The following ARID5B variants were observed in gnomAD, a reference collection of about 807,000 sequenced individuals.
ARID5B encodes the protein AT-rich interactive domain-containing protein 5B.
ARID5B carries 13 observed loss-of-function variants against 97.2 expected under a neutral mutation model. The ratio of observed to expected loss-of-function variants is 0.13; its 90% CI spans 0.09 to 0.21. The LOEUF is 0.21. ARID5B is among the 10% of genes least tolerant of loss of function. The pLI, the probability that ARID5B is intolerant of heterozygous loss-of-function variation, is 1.00. For synonymous variants in ARID5B, 556 were observed against 570.3 expected, an observed-to-expected ratio of 0.97 and a Z score of 0.36; for missense variants, 1,210 against 1,465.3, an observed-to-expected ratio of 0.83 and a Z score of 2.84.
intron 3 of ARID5B, among the ~76,000 whole-genome samples, chr10:61,957,331 C>T (rs902860465): frequency 1.3e-5 from 2 of 152,042 alleles, no homozygotes; most frequent in Admixed American, 6.6e-5. Flanking sequence ...TGCAGTGGTG[C>T]GATCTCGGCT....
At chr10:62,081,370 C>T (rs1047603502) in intron 8 of ARID5B, among the ~76,000 whole-genome samples, 2 of 152,180 alleles carry the variant, frequency 1.3e-5, no homozygotes, top group African/African-American at 4.8e-5. Context: ...GATGGATTCT[C>T]GTTTTTCCTA....
Position 61,901,718 on chromosome 10 carries a change from C to T in ARID5B, c.9C>T (p.Pro3=). ...CAATTCAGAACGTCGAGATGGAGCC[C>T]AACTCACTCCAGGTATTTCGCTCTC... ME[P]NSLQWVGSPC... is the part of the protein sequence containing the mutation. Residue 3 remains proline, a synonymous_variant, in exon 1 of 10, where the codon CCC becomes CCT. Coordinates refer to ENST00000279873, the MANE Select transcript of ARID5B (RefSeq NM_032199.3). 6.2e-7 allele frequency: 1 copy of T among 1,613,936 alleles called. No homozygotes were observed.
intron 3 of ARID5B, among the ~76,000 whole-genome samples, chr10:61,976,720 A>G (rs1200426632): frequency 6.6e-6 from 1 of 152,208 alleles, no homozygotes. Flanking sequence ...CCCAATAGAC[A>G]TATTTGCAAG....
Position 62,095,318 on chromosome 10 carries a change from G to C in ARID5B, c.*2288G>C. ...ATGGAAGAAAAAGGAAACTTCGGTG[G>C]TTCTGCAGCAGACATGGGCTAGGTC... On this transcript the variant is annotated 3_prime_UTR_variant, in exon 10 of 10. Transcript: ENST00000279873. 4.3e-6 allele frequency: 1 copy of C among 233,060 alleles called. No homozygotes were observed. Among genetic ancestry groups the C allele is most frequent in the Non-Finnish European group, 8.5e-6 (1 of 117,808 alleles). 14.4% of individuals were successfully genotyped at this position (233,060 alleles called of 1,614,324 possible).
At chr10:62,033,960 G>A (rs145590254) in intron 4 of ARID5B, among the ~76,000 whole-genome samples, 1 of 152,214 alleles carries the variant, frequency 6.6e-6, no homozygotes, top group Non-Finnish European at 1.5e-5. Flanking sequence ...ATGAAACTTG[G>A]GTCTCCAACA....
intron 3 of ARID5B, among the ~76,000 whole-genome samples, chr10:61,978,867 G>T (rs1838737648): frequency 1.3e-5 from 2 of 152,146 alleles, no homozygotes; most frequent in African/African-American, 4.8e-5. Context: ...TCTCCTGCCT[G>T]ATTGCCCTGG....
chr10:61,965,057 G>A (rs1838523428), intron 3 of ARID5B, among the ~76,000 whole-genome samples: 1 of 152,170 alleles, frequency 6.6e-6, no homozygotes, highest in South Asian at 2.1e-4. Context: ...TGCAATGAAT[G>A]TACTTTTGTT....
intron 4 of ARID5B, among the ~76,000 whole-genome samples, chr10:62,014,351 C>A (rs911729074): frequency 2.0e-5 from 3 of 152,082 alleles, no homozygotes; most frequent in Non-Finnish European, 4.4e-5. Context: ...ACCACCAGCT[C>A]CTCCCATAAT....
chr10:62,016,374 C>T (rs1839284257), intron 4 of ARID5B, among the ~76,000 whole-genome samples: 1 of 152,158 alleles, frequency 6.6e-6, no homozygotes, highest in Non-Finnish European at 1.5e-5. Context: ...CTAAGATACA[C>T]CATTTTTATA....
chr10:61,997,765 T>C (rs1480553462), intron 3 of ARID5B, among the ~76,000 whole-genome samples: 1 of 152,186 alleles, frequency 6.6e-6, no homozygotes, highest in East Asian at 1.9e-4. Context: ...AGTGTAATAA[T>C]ACAATTGACA....
chr10:62,085,937 A>C (rs774434385), intron 9 of ARID5B, 37 bp downstream of exon 9: 1 of 1,590,826 alleles, frequency 6.3e-7, no homozygotes, highest in Non-Finnish European at 8.5e-7. Context: ...CCTCTGGAAG[A>C]CATGTGCTGC....
Position 62,050,808 on chromosome 10 carries a change from C to A in ARID5B, c.734-80C>A, listed in dbSNP as rs963276082. The A allele has an allele frequency of 8.4e-6, 10 of 1,187,482 alleles. No homozygotes were observed. In the African/African-American group the frequency reaches 1.5e-4, roughly 18 times the overall value. 73.6% of individuals were successfully genotyped at this position (1,187,482 alleles called of 1,614,324 possible). ...TTCTCTGAACAATTAGAAGGGATCA[C>A]TGTAGTGAGATTCTGGGTCTTTAAT... is the stretch of plus-strand genomic sequence containing the variant. On this transcript the variant is annotated intron_variant, in intron 4 of 9. Transcript: ENST00000279873.
intron 3 of ARID5B, among the ~76,000 whole-genome samples, chr10:61,993,773 A>G (rs753040554): frequency 6.6e-6 from 1 of 152,236 alleles, no homozygotes; most frequent in African/African-American, 2.4e-5. Flanking sequence ...CGCCAGGTAT[A>G]TAAAGTTGAT....
intron 4 of ARID5B, chr10:62,049,445 A>G (rs1230481553): frequency 6.4e-7 from 1 of 1,550,550 alleles, no homozygotes; most frequent in Admixed American, 2.0e-5. Flanking sequence ...TTTCATGAGC[A>G]CAGGCATCAG....
chr10:62,058,958 C>G (rs1179103235), intron 6 of ARID5B, among the ~76,000 whole-genome samples: 1 of 152,190 alleles, frequency 6.6e-6, no homozygotes, highest in Non-Finnish European at 1.5e-5. Flanking sequence ...TTTAGCTTCT[C>G]TTGCTCTGCT....
At chr10:61,986,451 A>G (rs549995584) in intron 3 of ARID5B, among the ~76,000 whole-genome samples, 10 of 152,312 alleles carry the variant, frequency 6.6e-5, no homozygotes, top group African/African-American at 2.4e-4. Flanking sequence ...GGAGCAGGGC[A>G]ATTGCTGTAA....
intron 4 of ARID5B, among the ~76,000 whole-genome samples, chr10:62,048,093 A>G (rs1167502286): frequency 6.6e-6 from 1 of 152,252 alleles, no homozygotes; most frequent in Non-Finnish European, 1.5e-5. Flanking sequence ...GAGCATAAGC[A>G]TAAGTAGTAA....
At chr10:62,037,372 T>C (rs1295919488) in intron 4 of ARID5B, among the ~76,000 whole-genome samples, 2 of 152,196 alleles carry the variant, frequency 1.3e-5, no homozygotes, top group African/African-American at 4.8e-5. Context: ...AGAGTCAAAT[T>C]CTAAATTTAA....
chr10:61,961,122 C>G (rs1838464916), intron 3 of ARID5B, among the ~76,000 whole-genome samples: 1 of 152,114 alleles, frequency 6.6e-6, no homozygotes, highest in Admixed American at 6.6e-5. Context: ...TATAAAGCAA[C>G]TTTATAGTTC....
Sources: gnomAD v4.1 joint callset for allele counts (sites outside exome capture counted in the v4.1 genomes callset) on GRCh38, gnomAD v4.1.1 for gene constraint, MANE v1.5 for transcripts, NCBI Gene and HGNC (gene_info 2026-07-23, HGNC 2026-07-21) for gene names.